CPNE4: variants seen among roughly 807,000 people sequenced by gnomAD.
CPNE4 encodes copine-4.
A neutral mutation model predicts 67.9 loss-of-function variants in CPNE4; 25 were observed. The ratio of observed to expected loss-of-function variants is 0.37; its 90% CI spans 0.27 to 0.51. The LOEUF is 0.51. Ranked by LOEUF, CPNE4 falls within the 20% of genes least tolerant of loss-of-function variation. CPNE4 has a pLI of 0.93. For missense variants in CPNE4, 464 were observed against 690.8 expected (o/e 0.67, Z 3.68); for synonymous variants, 242 against 244.9 (o/e 0.99, Z 0.11).
intron 2 of CPNE4, among the ~76,000 whole-genome samples, chr3:131,743,518 A>G (rs1277236343): frequency 6.6e-6 from 1 of 152,230 alleles, no homozygotes; most frequent in Non-Finnish European, 1.5e-5. Flanking sequence ...AAAATTCTAA[A>G]TAAAACATTG....
intron 7 of CPNE4, among the ~76,000 whole-genome samples, chr3:131,607,675 A>G (rs1410929502): frequency 6.6e-6 from 1 of 152,200 alleles, no homozygotes; most frequent in Non-Finnish European, 1.5e-5. Context: ...AAGCATTTTA[A>G]AAGTTCATTT....
At chr3:132,037,386 CA>C (rs766909434), upstream of CPNE4, among the ~76,000 whole-genome samples, 9 of 152,208 alleles carry the variant, frequency 5.9e-5, no homozygotes, top group South Asian at 1.7e-3. Flanking sequence ...GCACATAAAG[CA>C]GAATTTACTT....
At chr3:131,871,158 A>G (rs1478155574) in intron 2 of CPNE4, among the ~76,000 whole-genome samples, 1 of 152,138 alleles carries the variant, frequency 6.6e-6, no homozygotes, top group Non-Finnish European at 1.5e-5. Context: ...GGTAAAGGAG[A>G]AAGAACTAGA....
chr3:131,653,113 A>T (rs2079854181), intron 7 of CPNE4, among the ~76,000 whole-genome samples: 1 of 149,798 alleles, frequency 6.7e-6, no homozygotes, highest in South Asian at 2.1e-4. Context: ...CTGTTTAAAA[A>T]TTAACTCACA....
intron 2 of CPNE4, among the ~76,000 whole-genome samples, chr3:131,789,059 G>GAA (rs2083644025): frequency 6.7e-6 from 1 of 149,570 alleles, no homozygotes; most frequent in Non-Finnish European, 1.5e-5. Flanking sequence ...GAGAGAGAGA[G>GAA]AAAGACTTTT....
At position 131,778,955 on chromosome 3, in the gene CPNE4, GGTTTCTAGATCTAATA is replaced by G. The variant is rs1410342220; in HGVS notation, c.181-55346_181-55331del. 2.0e-5 allele frequency among the ~76,000 whole-genome samples: 3 copies of G among 151,978 alleles called. No individual in the cohort carries two copies. The East Asian group carries it at 5.8e-4, about 29-fold the overall frequency. On this transcript the variant is annotated intron_variant, in intron 2 of 15. Coordinates refer to ENST00000429747, the MANE Select transcript of CPNE4 (RefSeq NM_130808.3). ...AAAAACCTCACAGTCTCTGCTGAAA[GGTTTCTAGATCTAATA>G]AACAACTTCAACAAAGTTTTATGAT...
chr3:131,876,316 A>AT (rs1038602365), intron 2 of CPNE4, among the ~76,000 whole-genome samples: 1 of 151,752 alleles, frequency 6.6e-6, no homozygotes, highest in Non-Finnish European at 1.5e-5. Flanking sequence ...CATGCTCTTT[A>AT]TTTTTTGTGA....
intron 1 of CPNE4, among the ~76,000 whole-genome samples, chr3:132,014,698 G>A (rs2073851916): frequency 6.6e-6 from 1 of 152,112 alleles, no homozygotes; most frequent in East Asian, 1.9e-4. Context: ...TATAAGGAGG[G>A]TTATATTTCT....
intron 6 of CPNE4, among the ~76,000 whole-genome samples, chr3:131,672,645 G>A (rs890356637): frequency 6.6e-6 from 1 of 151,996 alleles, no homozygotes; most frequent in African/African-American, 2.4e-5. Flanking sequence ...TTTGAGAAAT[G>A]TTTATTCATA....
At chr3:131,700,053 C>CGTT in intron 3 of CPNE4, 73 bp from the exon 4 acceptor site, 4 of 345,124 alleles carry the variant, frequency 1.2e-5, no homozygotes, top group Non-Finnish European at 1.9e-5. Flanking sequence ...ATTTTTTAAA[C>CGTT]CTTTTTTTTT....
intron 2 of CPNE4, 74 bp from the exon 3 acceptor site, chr3:131,723,699 A>C: frequency 1.5e-6 from 2 of 1,340,264 alleles, no homozygotes; most frequent in Non-Finnish European, 1.0e-6. Flanking sequence ...AATTCATCTC[A>C]GAGCACTTCC....
chr3:131,677,389 T>C (rs368503061), intron 6 of CPNE4, among the ~76,000 whole-genome samples: 2 of 152,104 alleles, frequency 1.3e-5, no homozygotes, highest in African/African-American at 4.8e-5. Context: ...GTTGTCTGTT[T>C]ACTCTGTTGA....
At chr3:131,886,474 C>A (rs2107731497) in intron 2 of CPNE4, among the ~76,000 whole-genome samples, 1 of 152,300 alleles carries the variant, frequency 6.6e-6, no homozygotes. Context: ...GTCATAGCCC[C>A]CACACAGAGT....
At chr3:131,989,918 A>G (rs1300999627) in intron 1 of CPNE4, among the ~76,000 whole-genome samples, 1 of 136,184 alleles carries the variant, frequency 7.3e-6, no homozygotes, top group African/African-American at 2.5e-5. Context: ...AAGAGGCTTA[A>G]ATGTAACGCA....
At chr3:131,545,593 C>T (rs1296793329) in intron 14 of CPNE4, among the ~76,000 whole-genome samples, 2 of 152,094 alleles carry the variant, frequency 1.3e-5, no homozygotes, top group Non-Finnish European at 2.9e-5. Flanking sequence ...TTTAACACAA[C>T]TTAGAAATTA....
chr3:131,550,178 G>A, intron 13 of CPNE4, 98 bp from the exon 14 acceptor site: 1 of 1,245,142 alleles, frequency 8.0e-7, no homozygotes. Flanking sequence ...ATCCCAAATA[G>A]TCCTTATCAA....
chr3:131,688,405 A>T (rs933666065), intron 5 of CPNE4, among the ~76,000 whole-genome samples: 1 of 152,076 alleles, frequency 6.6e-6, no homozygotes, highest in Non-Finnish European at 1.5e-5. Context: ...TCTCTCTCAG[A>T]TGCACTTCTA....
At chr3:131,905,172 T>C (rs2088696302) in intron 2 of CPNE4, 92 bp downstream of exon 2, 5 of 1,135,912 alleles carry the variant, frequency 4.4e-6, no homozygotes, top group Non-Finnish European at 6.3e-6. Context: ...TCTTATTTCA[T>C]CAAAATAAAC....
chr3:131,798,751 G>T (rs1043665184), intron 2 of CPNE4, among the ~76,000 whole-genome samples: 1 of 152,036 alleles, frequency 6.6e-6, no homozygotes, highest in Non-Finnish European at 1.5e-5. Flanking sequence ...TCTCTTCTCA[G>T]CCTGATCAAA....
Sources: allele counts gnomAD v4.1 joint callset (sites outside exome capture counted in the v4.1 genomes callset), GRCh38; gene constraint gnomAD v4.1.1; transcripts MANE v1.5; gene names NCBI Gene and HGNC (gene_info 2026-07-23, HGNC 2026-07-21).